Variants in ACIN1 observed in about 807,000 individuals in gnomAD.
ACIN1 encodes the protein apoptotic chromatin condensation inducer in the nucleus.
A neutral mutation model predicts 146.6 loss-of-function variants in ACIN1; 16 were observed. That is an observed-to-expected ratio of 0.11 (90% CI 0.07 to 0.17). The LOEUF is 0.17. Ranked by LOEUF, ACIN1 falls within the 10% of genes least tolerant of loss-of-function variation. The probability of loss-of-function intolerance (pLI) is 1.00; values close to 1 mark genes in which losing one functional copy is unlikely to be tolerated. For synonymous variants in ACIN1, 569 were observed against 582.7 expected, an observed-to-expected ratio of 0.98 and a Z score of 0.34; for missense variants, 1,357 against 1,609.3, an observed-to-expected ratio of 0.84 and a Z score of 2.68.
At chr14:23,060,465 T>C (rs1326321016) in intron 18 of ACIN1, among the ~76,000 whole-genome samples, 1 of 152,050 alleles carries the variant, frequency 6.6e-6, no homozygotes, top group Non-Finnish European at 1.5e-5. Flanking sequence ...AGCAGGGAAA[T>C]GAATTTATAA....
At chr14:23,082,239 T>C (rs909831501) in intron 4 of ACIN1, among the ~76,000 whole-genome samples, 5 of 152,206 alleles carry the variant, frequency 3.3e-5, no homozygotes, top group Non-Finnish European at 7.3e-5. Context: ...TTTTTTGGAT[T>C]GCCTATTACT....
At chr14:23,095,365 T>C (rs1375309916), upstream of ACIN1, 11 of 1,500,448 alleles carry the variant, frequency 7.3e-6, no homozygotes, top group Non-Finnish European at 9.0e-6. Flanking sequence ...TTCTTCGTCT[T>C]GCCGAAGCTT....
At chr14:23,072,995 G>C (rs1182483993) in intron 8 of ACIN1, among the ~76,000 whole-genome samples, 1 of 152,222 alleles carries the variant, frequency 6.6e-6, no homozygotes. Context: ...GCTCTTAAGA[G>C]TCTGGCTTGG....
chr14:23,062,074 C>T (rs569897393), intron 16 of ACIN1, 94 bp downstream of exon 16: 1 of 1,001,362 alleles, frequency 1.0e-6, no homozygotes, highest in Non-Finnish European at 1.6e-6. Context: ...AACAGAAGCT[C>T]AGAGACTGCA....
chr14:23,062,478 T>C lies in ACIN1; in HGVS notation c.2929A>G (p.Thr977Ala). The C allele has an allele frequency of 6.2e-7, 1 of 1,614,220 alleles. No homozygotes were observed. Among genetic ancestry groups the C allele is most frequent in the Non-Finnish European group, 8.5e-7 (1 of 1,180,044 alleles). ...AAGGCCTCTTCCACCAAGGTTCCTG[T>C]GCGCCCCAACAACTCCTTTAGCTGG... ...LGQLKELLGRTGTLVEEAFWI... is the reference protein window; with the variant it reads ...LGQLKELLGRAGTLVEEAFWI... The change falls in exon 15 of 19, where the codon ACA becomes GCA. Residue 977 changes from threonine (T) to alanine (A), a missense_variant. Around this residue, in one of 4 missense-constraint regions of ACIN1, gnomAD observed 509 missense variants for 719.6 expected, o/e 0.71. Coordinates refer to ENST00000605057, the MANE Select transcript of ACIN1 (RefSeq NM_001386863.1).
At position 23,071,489 on chromosome 14, in the gene ACIN1, G is replaced by C. The variant is rs1343706159; in HGVS notation, c.2124-1872C>G. 3 of 1,551,718 alleles carry C rather than the reference G, an allele frequency of 1.9e-6. No individual in the cohort carries two copies. In the East Asian group the frequency reaches 7.3e-5, roughly 38 times the overall value. Reference sequence around the variant, plus strand: ...GAAGGAGGAAGAGGGCCAGGCTGCTGGTAGTGGCTGGCTCTATTGTATTGG... The same window carrying C: ...GAAGGAGGAAGAGGGCCAGGCTGCTCGTAGTGGCTGGCTCTATTGTATTGG... On this transcript the variant is annotated intron_variant, in intron 8 of 18. Coordinates refer to ENST00000605057, the MANE Select transcript of ACIN1 (RefSeq NM_001386863.1).
Position 23,059,257 on chromosome 14 carries a change from C to T in ACIN1, c.3743G>A (p.Arg1248Lys), listed in dbSNP as rs925515073. ...CCTGCCTCGTTCTCGGTCCCTTTCC[C>T]TATCCCGATCTCGGTCCCCCCTGTC... is the stretch of plus-strand genomic sequence containing the variant. ...ERDRGDRDRD[R>K]ERDRERGRER... Residue 1248 changes from arginine (R) to lysine (K), a missense_variant, in exon 19 of 19, where the codon AGG (arginine) becomes AAG (lysine). Coordinates refer to ENST00000605057, the MANE Select transcript of ACIN1 (RefSeq NM_001386863.1). The T allele has an allele frequency of 1.9e-6, 3 of 1,612,432 alleles. No homozygotes were observed. The highest frequency in any genetic ancestry group is 2.5e-6 in the Non-Finnish European group (3 of 1,178,512).
At chr14:23,066,814 C>T (rs1179959906) in intron 9 of ACIN1, among the ~76,000 whole-genome samples, 1 of 152,038 alleles carries the variant, frequency 6.6e-6, no homozygotes, top group Non-Finnish European at 1.5e-5. Context: ...TGCCAAAGAC[C>T]AGAAGACATC....
upstream of ACIN1, chr14:23,095,463 G>A (rs1046824201): frequency 4.5e-6 from 4 of 889,748 alleles, no homozygotes; most frequent in Non-Finnish European, 4.9e-6. Context: ...ATGAGGCGCT[G>A]GGGCGCTTGG....
At chr14:23,087,266 C>T (rs945128735) in intron 4 of ACIN1, among the ~76,000 whole-genome samples, 8 of 152,086 alleles carry the variant, frequency 5.3e-5, no homozygotes, top group African/African-American at 1.9e-4. Context: ...TTCCAAATGG[C>T]CACTCCATTC....
intron 9 of ACIN1, 105 bp from the exon 10 acceptor site, chr14:23,066,113 CAGAT>C (rs770748234): frequency 7.2e-5 from 61 of 843,142 alleles, no homozygotes; most frequent in Admixed American, 3.0e-4. Context: ...TCCAAAGACA[CAGAT>C]AGAGTGAGAG....
At chr14:23,094,740 G>T in intron 1 of ACIN1, 2 of 717,056 alleles carry the variant, frequency 2.8e-6, no homozygotes, top group Non-Finnish European at 4.5e-6. Context: ...GACACTCCTG[G>T]AGAGTAGTGC....
At chr14:23,076,830 T>A (rs2140129216) in intron 8 of ACIN1, among the ~76,000 whole-genome samples, 1 of 152,130 alleles carries the variant, frequency 6.6e-6, no homozygotes. Context: ...AGAGAAAATG[T>A]CACCCCATTT....
chr14:23,086,859 A>T (rs2048102864), intron 4 of ACIN1, among the ~76,000 whole-genome samples: 1 of 152,162 alleles, frequency 6.6e-6, no homozygotes, highest in South Asian at 2.1e-4. Context: ...GATCTTGATA[A>T]ATTATAACAC....
At position 23,062,228 on chromosome 14, in the gene ACIN1, C is replaced by T; in HGVS notation, c.3039G>A (p.Gly1013=). 4 of 1,614,032 alleles carry T rather than the reference C, an allele frequency of 2.5e-6. No homozygotes were observed. The highest frequency in any genetic ancestry group is 3.4e-6 in the Non-Finnish European group (4 of 1,180,020). Residue 1013 remains glycine (G), a synonymous_variant, in exon 16 of 19, where the codon GGG becomes GGA. Coordinates refer to ENST00000605057, the MANE Select transcript of ACIN1 (RefSeq NM_001386863.1). ...EAVATRTALH[G]VKWPQSNPKF... is the part of the protein sequence containing the mutation. ...TGGGATTGGACTGGGGCCATTTGAC[C>T]CCGTGCAGAGCTGTGCGGGTGGCAA... is the stretch of plus-strand genomic sequence containing the variant.
At chr14:23,084,531 A>G (rs1241579078) in intron 4 of ACIN1, among the ~76,000 whole-genome samples, 1 of 151,498 alleles carries the variant, frequency 6.6e-6, no homozygotes, top group Non-Finnish European at 1.5e-5. Context: ...AATCGCTTGA[A>G]CCTGGGAGGC....
intron 8 of ACIN1, chr14:23,071,579 T>C (rs1246308281): frequency 4.5e-6 from 7 of 1,541,738 alleles, no homozygotes; most frequent in Admixed American, 2.0e-5. Flanking sequence ...CAGCAGCCTG[T>C]GTGTGCGGAT....
chr14:23,085,163 T>C (rs1228106630), intron 4 of ACIN1, among the ~76,000 whole-genome samples: 1 of 151,806 alleles, frequency 6.6e-6, no homozygotes, highest in African/African-American at 2.4e-5. Flanking sequence ...ACCCCGTCTC[T>C]ACTAAAAATA....
chr14:23,071,248 A>T, intron 8 of ACIN1: 2 of 1,517,026 alleles, frequency 1.3e-6, no homozygotes, highest in East Asian at 2.5e-5. Context: ...AAAGAAAAAA[A>T]ACCACACCTT....
Sources: allele counts gnomAD v4.1 joint callset (sites outside exome capture counted in the v4.1 genomes callset), GRCh38; gene constraint gnomAD v4.1.1; regional missense constraint gnomAD v4.1.1; transcripts MANE v1.5; gene names NCBI Gene and HGNC (gene_info 2026-07-23, HGNC 2026-07-21).